The following GLIS3 variants were observed in gnomAD, a reference collection of about 807,000 sequenced individuals.
GLIS3 encodes zinc finger protein GLIS3.
Under a neutral mutation model 78.6 loss-of-function variants are expected in GLIS3, and 53 were observed. That is an observed-to-expected ratio of 0.67 (90% CI 0.54 to 0.85). The LOEUF is 0.85. Among genes scored for constraint, GLIS3 ranks in the 40% least tolerant of loss-of-function variants. The pLI, the probability that GLIS3 is intolerant of heterozygous loss-of-function variation, is 0.00. For synonymous variants in GLIS3, 684 were observed against 509.9 expected (o/e 1.34, Z -4.60); for missense variants, 1,703 against 1,231.1 (o/e 1.38, Z -5.74).
At chr9:4,391,726 A>G in the GLIS3 span, among the ~76,000 whole-genome samples, 1 of 152,226 alleles carries the variant, frequency 6.6e-6, no homozygotes, top group Non-Finnish European at 1.5e-5. Context: ...GATTTGGTAA[A>G]GCACTTAGTA....
At chr9:4,427,675 A>C in the GLIS3 span, among the ~76,000 whole-genome samples, 1 of 151,830 alleles carries the variant, frequency 6.6e-6, no homozygotes. Context: ...CCAGGTCAAC[A>C]TGGTGAAACC....
intron 4 of GLIS3, among the ~76,000 whole-genome samples, chr9:4,062,732 C>A (rs1826755014): frequency 6.6e-6 from 1 of 152,098 alleles, no homozygotes; most frequent in Non-Finnish European, 1.5e-5. Flanking sequence ...TTGAGACCAT[C>A]CTGGCTAACA....
chr9:3,888,101 A>ACCCT (rs1156945709), intron 7 of GLIS3, among the ~76,000 whole-genome samples: 1 of 152,140 alleles, frequency 6.6e-6, no homozygotes, highest in Non-Finnish European at 1.5e-5. Flanking sequence ...TGTTATGTTA[A>ACCCT]CCCTCATTGG....
chr9:3,956,028 C>CAAAAAAA (rs5896037), intron 4 of GLIS3, among the ~76,000 whole-genome samples: 9 of 87,626 alleles, frequency 1.0e-4, no homozygotes, highest in African/African-American at 1.7e-4. Context: ...CCAGATTCAG[C>CAAAAAAA]AAAAAAAAAA....
At chr9:4,306,546 C>A (rs996065734) in intron 4 of GLIS3, among the ~76,000 whole-genome samples, 3 of 152,134 alleles carry the variant, frequency 2.0e-5, no homozygotes, top group Non-Finnish European at 4.4e-5. Flanking sequence ...GAATTCAGCA[C>A]CTAATAGGAA....
At chr9:4,372,316 A>G in the GLIS3 span, among the ~76,000 whole-genome samples, 1 of 152,106 alleles carries the variant, frequency 6.6e-6, no homozygotes, top group Non-Finnish European at 1.5e-5. Context: ...GGTTGTATTA[A>G]TCATTGATTT....
the GLIS3 span, among the ~76,000 whole-genome samples, chr9:4,402,021 T>C: frequency 6.6e-6 from 1 of 152,160 alleles, no homozygotes; most frequent in Admixed American, 6.5e-5. Context: ...AATCCCTGGC[T>C]CCCAGACAAC....
chr9:4,457,116 G>C, the GLIS3 span, among the ~76,000 whole-genome samples: 1 of 152,226 alleles, frequency 6.6e-6, no homozygotes, highest in South Asian at 2.1e-4. Context: ...TAATCTCAGA[G>C]CTTTGGGAGG....
At chr9:4,345,900 A>C (rs1416959466) in intron 2 of GLIS3, among the ~76,000 whole-genome samples, 1 of 152,244 alleles carries the variant, frequency 6.6e-6, no homozygotes, top group Non-Finnish European at 1.5e-5. Context: ...ATTTGACTGC[A>C]AAAGAATATT....
chr9:4,265,741 T>C (rs984644630), intron 2 of GLIS3, among the ~76,000 whole-genome samples: 1 of 152,210 alleles, frequency 6.6e-6, no homozygotes, highest in Non-Finnish European at 1.5e-5. Flanking sequence ...AGGCATCAAA[T>C]GGAACTTCTG....
chr9:4,286,148 T>G lies in GLIS3; in HGVS notation c.278A>C (p.Asn93Thr), dbSNP rs371390144. The change falls in exon 2 of 11, where the codon AAT (asparagine) becomes ACT (threonine). Residue 93 changes from asparagine (N) to threonine (T), a missense_variant. Transcript: ENST00000381971. ...ALSPRRQMLT[N>T]GKPRFQVTQA... is the part of the protein sequence containing the mutation. The stretch of plus-strand genomic sequence containing the variant: ...GGTGACCTGGAATCGCGGCTTCCCA[T>G]TGGTGAGCATTTGTCTCCTGGGGCT... 1.9e-6 allele frequency: 3 copies of G among 1,614,000 alleles called. No individual in the cohort carries two copies. In the African/African-American group the frequency reaches 4.0e-5, roughly 22 times the overall value.
intron 2 of GLIS3, among the ~76,000 whole-genome samples, chr9:4,142,348 A>C (rs2130992706): frequency 6.6e-6 from 1 of 152,346 alleles, no homozygotes; most frequent in Admixed American, 6.5e-5. Context: ...AGAGTAAATA[A>C]CACATAATAA....
chr9:4,012,392 C>T (rs555292740), intron 4 of GLIS3, among the ~76,000 whole-genome samples: 7 of 152,160 alleles, frequency 4.6e-5, no homozygotes, highest in African/African-American at 9.6e-5. Context: ...AGATTCTTTT[C>T]GGTGATGGTT....
the GLIS3 span, among the ~76,000 whole-genome samples, chr9:4,360,241 G>A: frequency 2.6e-5 from 4 of 152,228 alleles, no homozygotes; most frequent in East Asian, 3.9e-4. Flanking sequence ...ACATCAACGC[G>A]CTCTGTGTCT....
chr9:4,350,249 G>C (rs78251709), upstream of GLIS3, among the ~76,000 whole-genome samples: 1,076 of 152,308 alleles, frequency 7.1e-3, 4 homozygotes, highest in Middle Eastern at 0.031. Context: ...CTATTCACCA[G>C]CACCTTGGAG....
intron 4 of GLIS3, among the ~76,000 whole-genome samples, chr9:4,068,172 CTG>C (rs1011281940): frequency 4.6e-5 from 7 of 152,044 alleles, no homozygotes; most frequent in African/African-American, 1.7e-4. Flanking sequence ...ATTTGCAAGA[CTG>C]TAAAAACTTA....
At chr9:4,350,558 T>C (rs905303087), upstream of GLIS3, among the ~76,000 whole-genome samples, 1 of 152,182 alleles carries the variant, frequency 6.6e-6, no homozygotes, top group African/African-American at 2.4e-5. Context: ...TATTTTAAAG[T>C]CTCTTTCAGA....
At chr9:4,478,809 C>A in the GLIS3 span, among the ~76,000 whole-genome samples, 1 of 152,084 alleles carries the variant, frequency 6.6e-6, no homozygotes, top group Admixed American at 6.6e-5. Context: ...AGGTCTTCAC[C>A]ATCACCAATA....
At chr9:4,336,565 G>A (rs865817210) in intron 2 of GLIS3, among the ~76,000 whole-genome samples, 15 of 152,104 alleles carry the variant, frequency 9.9e-5, no homozygotes, top group African/African-American at 2.9e-4. Context: ...TATAGTTTCC[G>A]TTTTATGGAA....
Sources: allele counts gnomAD v4.1 joint callset (sites outside exome capture counted in the v4.1 genomes callset), GRCh38; gene constraint gnomAD v4.1.1; transcripts MANE v1.5; gene names NCBI Gene and HGNC (gene_info 2026-07-23, HGNC 2026-07-21).